The following FAM83E variants were observed in gnomAD, a reference collection of about 807,000 sequenced individuals.
FAM83E encodes the protein protein FAM83E.
Under a neutral mutation model 34.3 loss-of-function variants are expected in FAM83E, and 29 were observed. The observed-to-expected ratio is 0.85, with a 90% CI of 0.63 to 1.15. The LOEUF (loss-of-function observed/expected upper bound fraction) is 1.15, where lower values mean the gene tolerates loss of function less well. Among genes scored for constraint, FAM83E ranks in the 50% most tolerant of loss-of-function variants. FAM83E has a pLI of 0.00. For synonymous variants in FAM83E, 312 were observed against 311.6 expected (o/e 1.00, Z -0.01); for missense variants, 697 against 685.0 (o/e 1.02, Z -0.20).
chr19:48,605,320 C>A (rs911735248), intron 5 of FAM83E, among the ~76,000 whole-genome samples: 35 of 152,048 alleles, frequency 2.3e-4, no homozygotes, highest in Non-Finnish European at 1.2e-4. Flanking sequence ...TGCCTGTAAT[C>A]CCAGCACTTT....
rs184655726 is a variant in FAM83E at position 48,614,020 on chromosome 19, T to C, written c.-648A>G. 1.5e-5 allele frequency: 15 copies of C among 985,442 alleles called. No homozygotes were observed. In the Admixed American group the frequency reaches 9.2e-4, roughly 61 times the overall value. The allele number at this position is 985,442 out of a possible 1,614,324, so 61.0% of individuals were successfully genotyped here. A position where few individuals can be genotyped will look rare whatever the true frequency, so the allele number is the denominator to read the frequency against. ...ATCTGCCTGTTGGAGCATCTGTCTC[T>C]GGCCAAATCTGACAGCCCCCACGAG... is the stretch of plus-strand genomic sequence containing the variant. On this transcript the variant is annotated 5_prime_UTR_variant, in exon 3 of 7. Transcript: ENST00000263266.
rs1005655731 is a variant in FAM83E at position 48,601,203 on chromosome 19, C to A, written c.1343G>T (p.Arg448Leu). The A allele has an allele frequency of 6.2e-7, 1 of 1,611,662 alleles. No individual in the cohort carries two copies. The highest frequency in any genetic ancestry group is 1.1e-5 in the South Asian group (1 of 90,836). The change falls in exon 7 of 7, where the codon CGG (arginine) becomes CTG (leucine). Residue 448 changes from arginine (R) to leucine (L), a missense_variant. Transcript: ENST00000263266. ...TTTGAATGTAGCATCCCCACCGAAC[C>A]GCCTTCGGGCTGGGGACAGATAGCG... ...RLRYLSPARR[R>L]FGGDATFKLQ...
At chr19:48,601,843 G>C (rs1426876062) in intron 6 of FAM83E, among the ~76,000 whole-genome samples, 1 of 150,552 alleles carries the variant, frequency 6.6e-6, no homozygotes, top group Non-Finnish European at 1.5e-5. Flanking sequence ...GGGAAGAGAG[G>C]AGAGAGGGAG....
Position 48,603,801 on chromosome 19 carries a change from G to C in FAM83E, c.869C>G (p.Pro290Arg). The part of the protein sequence containing the change: ...EFRTLYAASC[P>R]LPPAPPQKPS... The stretch of plus-strand genomic sequence containing the variant: ...TTTCTGGGGGGGCGCAGGTGGGAGC[G>C]GGCAGGAGGCCGCGTACAGCGTCCG... The change falls in exon 6 of 7, where the codon CCG becomes CGG. Residue 290 changes from proline (P) to arginine (R), a missense_variant. Coordinates refer to ENST00000263266, the MANE Select transcript of FAM83E (RefSeq NM_017708.4). 6.2e-7 allele frequency: 1 copy of C among 1,600,160 alleles called. No homozygotes were observed. Among genetic ancestry groups the C allele is most frequent in the Non-Finnish European group, 8.5e-7 (1 of 1,174,270 alleles).
chr19:48,601,237 G>A lies in FAM83E; in HGVS notation c.1309C>T (p.His437Tyr). Residue 437 changes from histidine to tyrosine, a missense_variant, in exon 7 of 7, where the codon CAC (histidine) becomes TAC (tyrosine). By Grantham distance (83) the His-to-Tyr change is moderately conservative. Coordinates refer to ENST00000263266, the MANE Select transcript of FAM83E (RefSeq NM_017708.4). ...GCTGGGGACAGATAGCGGAGGCGGT[G>A]GGCGGGGGGCAGGGGCAGGGCACCG... ...WGGALPLPPA[H>Y]RLRYLSPARR... 1 of 1,606,988 alleles carries A rather than the reference G, an allele frequency of 6.2e-7. No homozygotes were observed.
chr19:48,601,253 C>T lies in FAM83E; in HGVS notation c.1293G>A (p.Leu431=). The T allele has an allele frequency of 6.2e-7, 1 of 1,602,034 alleles. No individual in the cohort carries two copies. Among genetic ancestry groups the T allele is most frequent in the Non-Finnish European group, 8.5e-7 (1 of 1,173,854 alleles). ...VDSRPPWGGA[L]PLPPAHRLRY... ...GGAGGCGGTGGGCGGGGGGCAGGGGCAGGGCACCGCCCCACGGAGGTCGGG... is the reference window on the plus strand; with the variant it reads ...GGAGGCGGTGGGCGGGGGGCAGGGGTAGGGCACCGCCCCACGGAGGTCGGG... The change falls in exon 7 of 7, where the codon CTG becomes CTA. Residue 431 remains leucine (L), a synonymous_variant. Coordinates refer to ENST00000263266, the MANE Select transcript of FAM83E (RefSeq NM_017708.4).
At position 48,610,744 on chromosome 19, in the gene FAM83E, C is replaced by T. The variant is rs764914714; in HGVS notation, c.569G>A (p.Arg190His). 8 of 1,586,868 alleles carry T rather than the reference C, an allele frequency of 5.0e-6. No individual in the cohort carries two copies. In the African/African-American group the frequency reaches 5.4e-5, roughly 11 times the overall value. Residue 190 changes from arginine to histidine, a missense_variant, in exon 4 of 7, where the codon CGC becomes CAC. Arg to His is a conservative substitution (Grantham distance 29, BLOSUM62 0). Coordinates refer to ENST00000263266, the MANE Select transcript of FAM83E (RefSeq NM_017708.4). Reference sequence around the variant, plus strand: ...TTCCAGGAAGGCAGGCAGCTGCTGGCGGTCCAGGAGCAGGTAGACAGGTAC... The same window carrying T: ...TTCCAGGAAGGCAGGCAGCTGCTGGTGGTCCAGGAGCAGGTAGACAGGTAC... ...RWVPVYLLLD[R>H]QQLPAFLELA...
intron 6 of FAM83E, among the ~76,000 whole-genome samples, chr19:48,602,879 C>T (rs7251756): frequency 0.093 from 13,188 of 141,088 alleles, 820 homozygotes; most frequent in African/African-American, 0.18. Context: ...TTTGAGACAG[C>T]CTTGCTCTGT....
In FAM83E at chr19:48,600,012, C is replaced by G. The variant is rs1040781996; in HGVS notation, c.*1097G>C. Among the ~76,000 whole-genome samples, 1 of 152,176 alleles carries G rather than the reference C, an allele frequency of 6.6e-6. No individual in the cohort carries two copies. The highest frequency in any genetic ancestry group is 1.5e-5 in the Non-Finnish European group (1 of 68,028). On this transcript the variant is annotated 3_prime_UTR_variant, in exon 7 of 7. Transcript: ENST00000263266. Reference sequence around the variant, plus strand: ...GAGCAGAGGTAAACGGGAGCTCCGGCAGACCCGCCCTCTCAGCGCCCACAG... The same window carrying G: ...GAGCAGAGGTAAACGGGAGCTCCGGGAGACCCGCCCTCTCAGCGCCCACAG...
rs765692637 is a variant in FAM83E at position 48,603,683 on chromosome 19, G to A, written c.987C>T (p.Asp329=). The change falls in exon 6 of 7, where the codon GAC becomes GAT. Residue 329 remains aspartate (D), a synonymous_variant. Transcript: ENST00000263266. Reference sequence around the variant, plus strand: ...CGGCCAGGCGGTGGGCCAGCGGGCCGTCAGGCGGCGGAGGCGACGCGGGGG... The same window carrying A: ...CGGCCAGGCGGTGGGCCAGCGGGCCATCAGGCGGCGGAGGCGACGCGGGGG... ...SVAPASPPPP[D]GPLAHRLAAC... The A allele has an allele frequency of 2.0e-4, 257 of 1,296,196 alleles. 1 individual carries two copies. Among genetic ancestry groups the A allele is most frequent in the Non-Finnish European group, 1.4e-4 (139 of 1,019,456 alleles). The allele number at this position is 1,296,196 out of a possible 1,614,324, so 80.3% of individuals were successfully genotyped here.
chr19:48,613,481 C>T lies in FAM83E; in HGVS notation c.-109G>A, dbSNP rs571302705. 76 of 1,431,688 alleles carry T rather than the reference C, an allele frequency of 5.3e-5. No individual in the cohort carries two copies. The highest frequency in any genetic ancestry group is 1.7e-4 in the South Asian group (11 of 66,450). 88.7% of individuals were successfully genotyped at this position (1,431,688 alleles called of 1,614,324 possible). A position where few individuals can be genotyped will look rare whatever the true frequency, so the allele number is the denominator to read the frequency against. Reference sequence around the variant, plus strand: ...GGGTTCTCCTGATAGGCAGACCCTACGTGGCCATCCGAGGCCTCCGGCGGG... The same window carrying T: ...GGGTTCTCCTGATAGGCAGACCCTATGTGGCCATCCGAGGCCTCCGGCGGG... On this transcript the variant is annotated 5_prime_UTR_variant, in exon 3 of 7. Transcript: ENST00000263266.
chr19:48,612,497 C>T (rs1216411180), intron 3 of FAM83E, among the ~76,000 whole-genome samples: 16 of 151,786 alleles, frequency 1.1e-4, no homozygotes, highest in Admixed American at 9.8e-4. Flanking sequence ...CTCCGCCTCC[C>T]GGGTTCAAGC....
rs1032503993 is a variant in FAM83E, at chr19:48,614,837, G to A, written c.-1385C>T. On this transcript the variant is annotated splice_region_variant and 5_prime_UTR_variant, in exon 2 of 7. Coordinates refer to ENST00000263266, the MANE Select transcript of FAM83E (RefSeq NM_017708.4). ...CTTCTGGCCTCACTCATCAGGCCTC[G>A]ACCTGGAATCCAGGGAGCCCGGCCC... is the stretch of plus-strand genomic sequence containing the variant. 1.0e-6 allele frequency: 1 copy of A among 974,822 alleles called. No individual in the cohort carries two copies. The highest frequency in any genetic ancestry group is 1.2e-6 in the Non-Finnish European group (1 of 820,210). 60.4% of individuals were successfully genotyped at this position (974,822 alleles called of 1,614,324 possible).
Position 48,603,870 on chromosome 19 carries a change from GT to G in FAM83E, c.799del (p.Thr267ProfsTer3), listed in dbSNP as rs761373095. On this transcript the variant is annotated frameshift_variant, in exon 6 of 7. Transcript: ENST00000263266. LOFTEE classifies it high-confidence loss of function. Reference sequence around the variant, plus strand: ...GTCAACAATTTCACCAGTCAGCAGGGTCACCAGGCCTCGGTGCAGGCGTGCG... The same window carrying G: ...GTCAACAATTTCACCAGTCAGCAGGGCACCAGGCCTCGGTGCAGGCGTGCG... ...SDARLHRGLV[T>X]LLTGEIVDAF... is the part of the protein sequence containing the mutation. 2 of 1,608,316 alleles carry G rather than the reference GT, an allele frequency of 1.2e-6. No homozygotes were observed. The highest frequency in any genetic ancestry group is 4.5e-5 in the East Asian group (2 of 44,362).
rs901922310 is a variant in FAM83E at position 48,601,282 on chromosome 19, C to T, written c.1264G>A (p.Asp422Asn). 4.4e-6 allele frequency: 7 copies of T among 1,582,484 alleles called. No homozygotes were observed. In the Admixed American group the frequency reaches 1.1e-4, roughly 25 times the overall value. Residue 422 changes from aspartate (D) to asparagine (N), a missense_variant, in exon 7 of 7, where the codon GAC becomes AAC. Asp to Asn is a conservative substitution (Grantham distance 23, BLOSUM62 1). Transcript: ENST00000263266. Reference protein sequence around the residue: ...GTGGGPWGEVDSRPPWGGALP... With the variant: ...GTGGGPWGEVNSRPPWGGALP... ...GCACCGCCCCACGGAGGTCGGGAGTCCACTTCCCCCCAGGGGCCTCCTCCA... is the reference window on the plus strand; with the variant it reads ...GCACCGCCCCACGGAGGTCGGGAGTTCACTTCCCCCCAGGGGCCTCCTCCA...
chr19:48,611,474 T>C (rs1974041150), intron 3 of FAM83E, among the ~76,000 whole-genome samples: 1 of 151,890 alleles, frequency 6.6e-6, no homozygotes, highest in Non-Finnish European at 1.5e-5. Flanking sequence ...GGCTTTTTTT[T>C]TCTTTTTTTA....
Position 48,603,236 on chromosome 19 carries a change from C to T in FAM83E, c.1176+258G>A, listed in dbSNP as rs534331619. Among the ~76,000 whole-genome samples, 23 of 152,266 alleles carry T rather than the reference C, an allele frequency of 1.5e-4. No homozygotes were observed. In the South Asian group the frequency reaches 4.3e-3, roughly 29 times the overall value. On this transcript the variant is annotated intron_variant, in intron 6 of 6. Transcript: ENST00000263266. Reference sequence around the variant, plus strand: ...AGAATTCAAGTCCTCGGCTTCCCCCCACCTAGTCTGTCATGCCAGGATTTG... The same window carrying T: ...AGAATTCAAGTCCTCGGCTTCCCCCTACCTAGTCTGTCATGCCAGGATTTG...
At chr19:48,606,983 T>C in intron 5 of FAM83E, 1 of 1,606,116 alleles carries the variant, frequency 6.2e-7, no homozygotes, top group Non-Finnish European at 8.5e-7. Context: ...GCCGCCATGG[T>C]CCTGTGCTGG....
rs1974111847 is a variant in FAM83E at position 48,614,637 on chromosome 19, G to GA, written c.-1255-11dup. On this transcript the variant is annotated splice_polypyrimidine_tract_variant and intron_variant, in intron 2 of 6. Coordinates refer to ENST00000263266, the MANE Select transcript of FAM83E (RefSeq NM_017708.4). ...AGACCACAGCAGGGAGCTGCAAAGA[G>GA]AAGAAAGGAGTCAAGGCAGGCCAGC... The GA allele has an allele frequency of 1.0e-6, 1 of 985,924 alleles. No homozygotes were observed. Among genetic ancestry groups the GA allele is most frequent in the African/African-American group, 1.7e-5 (1 of 57,266 alleles). The allele number at this position is 985,924 out of a possible 1,614,324, so 61.1% of individuals were successfully genotyped here.
Sources: gnomAD v4.1 joint callset for allele counts (sites outside exome capture counted in the v4.1 genomes callset) on GRCh38, gnomAD v4.1.1 for gene constraint, MANE v1.5 for transcripts, NCBI Gene and HGNC (gene_info 2026-07-23, HGNC 2026-07-21) for gene names.